The following DMXL2 variants were observed in gnomAD, a reference collection of about 807,000 sequenced individuals.
DMXL2 encodes the protein dmX-like protein 2.
A neutral mutation model predicts 331.1 loss-of-function variants in DMXL2; 103 were observed. That is an observed-to-expected ratio of 0.31 (90% CI 0.27 to 0.37). The LOEUF (loss-of-function observed/expected upper bound fraction) is 0.37. Ranked by LOEUF, DMXL2 falls within the 10% of genes least tolerant of loss-of-function variation. The pLI is 1.00. For synonymous variants in DMXL2, 1,281 were observed against 1,252.1 expected (o/e 1.02, Z -0.49); for missense variants, 3,171 against 3,642.9 (o/e 0.87, Z 3.33).
At chr15:51,579,766 C>A (rs185386909) in intron 1 of DMXL2, among the ~76,000 whole-genome samples, 22 of 152,266 alleles carry the variant, frequency 1.4e-4, no homozygotes, top group African/African-American at 5.1e-4. Flanking sequence ...GATTTTCCAG[C>A]TAACAGTATC....
At chr15:51,608,730 G>C (rs1419951274) in intron 1 of DMXL2, among the ~76,000 whole-genome samples, 1 of 151,212 alleles carries the variant, frequency 6.6e-6, no homozygotes, top group Non-Finnish European at 1.5e-5. Flanking sequence ...ACCTGCACAT[G>C]TACCCCTGAA....
At chr15:51,531,885 T>C (rs2048022876) in intron 13 of DMXL2, among the ~76,000 whole-genome samples, 1 of 152,066 alleles carries the variant, frequency 6.6e-6, no homozygotes, top group Non-Finnish European at 1.5e-5. Flanking sequence ...AATGTTGGCA[T>C]AGATGTGGAG....
Position 51,480,089 on chromosome 15 carries a change from T to C in DMXL2, c.6615A>G (p.Leu2205=), listed in dbSNP as rs761183085. 2.5e-6 allele frequency: 4 copies of C among 1,597,632 alleles called. No homozygotes were observed. Among genetic ancestry groups the C allele is most frequent in the Non-Finnish European group, 2.6e-6 (3 of 1,167,392 alleles). The change falls in exon 25 of 44, where the codon CTA becomes CTG. Residue 2205 remains leucine (L), a synonymous_variant. Transcript: ENST00000560891. ...ACGCAATACTTGCTGAAAGCAGAGG[T>C]AGGGTGGTAGGCAGTGGTAGTGGAG... ...LQSPLPLPTT[L]PLLSASIAST...
intron 43 of DMXL2, among the ~76,000 whole-genome samples, chr15:51,449,754 C>G (rs1352162010): frequency 6.6e-6 from 1 of 152,150 alleles, no homozygotes; most frequent in African/African-American, 2.4e-5. Flanking sequence ...GGAGCATCTG[C>G]ACTAGCTCAC....
chr15:51,556,266 C>A (rs1173896197), intron 6 of DMXL2, among the ~76,000 whole-genome samples: 1 of 150,404 alleles, frequency 6.6e-6, no homozygotes. Flanking sequence ...TGGCGTGAAC[C>A]CAGGAGGCAG....
intron 22 of DMXL2, 142 bp from the exon 23 acceptor site, chr15:51,486,479 A>G: frequency 3.1e-6 from 2 of 650,660 alleles, no homozygotes; most frequent in South Asian, 2.5e-5. Flanking sequence ...TAAATGATTG[A>G]TAGGAGATTA....
intron 1 of DMXL2, among the ~76,000 whole-genome samples, chr15:51,597,393 T>C (rs2052901533): frequency 6.6e-6 from 1 of 152,234 alleles, no homozygotes; most frequent in African/African-American, 2.4e-5. Flanking sequence ...GGTTTAGTTT[T>C]GCCTCCCCTC....
In DMXL2 at chr15:51,594,011, G is replaced by A. The variant is rs543155334; in HGVS notation, c.88-17830C>T. 4.6e-5 allele frequency among the ~76,000 whole-genome samples: 7 copies of A among 152,182 alleles called. No individual in the cohort carries two copies. The East Asian group carries it at 1.4e-3, about 29-fold the overall frequency. On this transcript the variant is annotated intron_variant, in intron 1 of 43. Coordinates refer to ENST00000560891, the MANE Select transcript of DMXL2 (RefSeq NM_001378457.1). ...TAACATCACAATTAAAAGAACTAGA[G>A]AAGCAAGAGCAAACACAGTCAAAAG...
chr15:51,543,733 T>C (rs945947346), intron 8 of DMXL2, among the ~76,000 whole-genome samples: 3 of 152,178 alleles, frequency 2.0e-5, no homozygotes, highest in African/African-American at 7.2e-5. Context: ...CGTTTTTTCT[T>C]TTAAAAACTA....
chr15:51,544,029 A>G (rs1197020503), intron 8 of DMXL2, among the ~76,000 whole-genome samples: 2 of 152,234 alleles, frequency 1.3e-5, no homozygotes, highest in Admixed American at 1.3e-4. Flanking sequence ...CTAAATATCA[A>G]TATCAAAATA....
intron 30 of DMXL2, 136 bp from the exon 31 acceptor site, chr15:51,465,787 A>G: frequency 1.5e-6 from 1 of 646,966 alleles, no homozygotes; most frequent in South Asian, 2.2e-5. Flanking sequence ...ACTATGCAAA[A>G]ATGGCACCTC....
At chr15:51,572,783 T>C (rs958434783) in intron 2 of DMXL2, among the ~76,000 whole-genome samples, 1 of 152,090 alleles carries the variant, frequency 6.6e-6, no homozygotes, top group African/African-American at 2.4e-5. Context: ...ATGGAACGTA[T>C]CTCAAAATAA....
chr15:51,603,629 G>A (rs1441036284), intron 1 of DMXL2: 1 of 152,114 alleles, frequency 6.6e-6, no homozygotes, highest in Non-Finnish European at 1.5e-5. Flanking sequence ...CACTTTGGGA[G>A]GCCCAGGCAG....
At chr15:51,518,995 T>A (rs1376590196) in intron 13 of DMXL2, among the ~76,000 whole-genome samples, 2 of 152,172 alleles carry the variant, frequency 1.3e-5, no homozygotes, top group African/African-American at 4.8e-5. Flanking sequence ...AATATTTTAA[T>A]GCAATATTTT....
In DMXL2 at chr15:51,622,640, C is replaced by G; in HGVS notation, c.-95G>C. ...GCGAGAGCCGTTTCCCTCTGTGCCT[C>G]CCTCGGAAACCCGCCCCGCGGAGGC... On this transcript the variant is annotated 5_prime_UTR_variant, in exon 1 of 44. Coordinates refer to ENST00000560891, the MANE Select transcript of DMXL2 (RefSeq NM_001378457.1). 2 of 1,451,228 alleles carry G rather than the reference C, an allele frequency of 1.4e-6. No homozygotes were observed. Among genetic ancestry groups the G allele is most frequent in the Non-Finnish European group, 1.8e-6 (2 of 1,097,296 alleles). 89.9% of individuals were successfully genotyped at this position (1,451,228 alleles called of 1,614,324 possible).
chr15:51,560,268 T>C (rs1251588390), intron 6 of DMXL2, among the ~76,000 whole-genome samples: 1 of 152,102 alleles, frequency 6.6e-6, no homozygotes, highest in Admixed American at 6.5e-5. Context: ...AAGTAGATAC[T>C]GAAATATTTA....
In DMXL2 at chr15:51,499,540, T is replaced by A. The variant is rs2043435532; in HGVS notation, c.3684A>T (p.Ser1228=). The A allele has an allele frequency of 6.2e-7, 1 of 1,614,022 alleles. No homozygotes were observed. The highest frequency in any genetic ancestry group is 8.5e-7 in the Non-Finnish European group (1 of 1,180,026). Residue 1228 remains serine (S), a synonymous_variant, in exon 18 of 44, where the codon TCA becomes TCT. Transcript: ENST00000560891. The stretch of plus-strand genomic sequence containing the variant: ...CTATAGATCTAAGAAGAACCCATCT[T>A]GACTTAACTCCTTGCTTGATACTAC... ...LGGSIKQGVK[S]RWVLLRSIDL...
intron 26 of DMXL2, among the ~76,000 whole-genome samples, chr15:51,477,193 C>T (rs2041654167): frequency 6.6e-6 from 1 of 151,856 alleles, no homozygotes; most frequent in African/African-American, 2.4e-5. Context: ...AATACCTAAA[C>T]CTAAAACCAA....
At chr15:51,611,296 C>G (rs1806137941) in intron 1 of DMXL2, among the ~76,000 whole-genome samples, 1 of 151,990 alleles carries the variant, frequency 6.6e-6, no homozygotes, top group Admixed American at 6.5e-5. Flanking sequence ...TGCTGCAGAC[C>G]TAAGAAGATA....
Sources: gnomAD v4.1 joint callset for allele counts (sites outside exome capture counted in the v4.1 genomes callset) on GRCh38, gnomAD v4.1.1 for gene constraint, MANE v1.5 for transcripts, NCBI Gene and HGNC (gene_info 2026-07-23, HGNC 2026-07-21) for gene names.